Variants in DSTYK observed in about 807,000 individuals in gnomAD.
DSTYK encodes the protein dual serine/threonine and tyrosine protein kinase, also known as RIP-homologous kinase.
DSTYK carries 34 observed loss-of-function variants against 98.7 expected under a neutral mutation model. The observed-to-expected ratio is 0.34, with a 90% CI of 0.26 to 0.46. The LOEUF (loss-of-function observed/expected upper bound fraction) is 0.46. Ranked by LOEUF, DSTYK falls within the 20% of genes least tolerant of loss-of-function variation. The pLI, the probability that DSTYK is intolerant of heterozygous loss-of-function variation, is 1.00. For synonymous variants in DSTYK, 462 were observed against 457.3 expected (o/e 1.01, Z -0.13); for missense variants, 962 against 1,181.7 (o/e 0.81, Z 2.73).
chr1:205,165,244 C>T (rs1041941550), intron 3 of DSTYK, among the ~76,000 whole-genome samples: 1 of 152,002 alleles, frequency 6.6e-6, no homozygotes, highest in Non-Finnish European at 1.5e-5. Context: ...AGGCACCCAC[C>T]ACCACGCCAG....
chr1:205,198,863 C>A (rs1351384375), intron 1 of DSTYK, among the ~76,000 whole-genome samples: 1 of 147,710 alleles, frequency 6.8e-6, no homozygotes, highest in Non-Finnish European at 1.5e-5. Context: ...GATGGAGCCT[C>A]GCTCTGTCGC....
intron 1 of DSTYK, chr1:205,202,591 C>T (rs555347020): frequency 2.8e-6 from 3 of 1,056,664 alleles, no homozygotes; most frequent in Admixed American, 3.4e-5. Context: ...AGCTCATGGT[C>T]GGATTAACCC....
chr1:205,163,733 T>C lies in DSTYK; in HGVS notation c.1547A>G (p.Tyr516Cys). 6.2e-7 allele frequency: 1 copy of C among 1,613,620 alleles called. No homozygotes were observed. Among genetic ancestry groups the C allele is most frequent in the Non-Finnish European group, 8.5e-7 (1 of 1,179,644 alleles). ...TCATTCTTTGTCTACCTGTTTGAGA[T>C]AATTACTGGTGATGTGAACTGAGAC... ...QDVSVHITSN[Y>C]LKQILNAAYH... Residue 516 changes from tyrosine (Y) to cysteine (C), a missense_variant, in exon 4 of 13, where the codon TAT (tyrosine) becomes TGT (cysteine). By Grantham distance (194) the Tyr-to-Cys change is radical. Coordinates refer to ENST00000367162, the MANE Select transcript of DSTYK (RefSeq NM_015375.3).
chr1:205,166,415 G>A (rs1040070250), intron 3 of DSTYK, among the ~76,000 whole-genome samples: 9 of 151,754 alleles, frequency 5.9e-5, no homozygotes, highest in African/African-American at 2.2e-4. Context: ...ACTTTGTGGG[G>A]GCTGAAGCAG....
Position 205,169,620 on chromosome 1 carries a change from T to C in DSTYK, c.867A>G (p.Ile289Met). The C allele has an allele frequency of 6.2e-7, 1 of 1,614,226 alleles. No individual in the cohort carries two copies. The highest frequency in any genetic ancestry group is 8.5e-7 in the Non-Finnish European group (1 of 1,180,044). ...FKVPKLGSEI[I>M]DSSTRRMESE... is the part of the protein sequence containing the mutation. ...TCTCCATTCTCCTGGTTGAGGAGTCTATTATCTCCGAGCCCAGTTTCGGCA... is the reference window on the plus strand; with the variant it reads ...TCTCCATTCTCCTGGTTGAGGAGTCCATTATCTCCGAGCCCAGTTTCGGCA... Residue 289 changes from isoleucine to methionine, a missense_variant, in exon 3 of 13, where the codon ATA becomes ATG. This residue lies in a region of DSTYK where 660 missense variants were observed against 855.0 expected (regional missense o/e 0.77). Coordinates refer to ENST00000367162, the MANE Select transcript of DSTYK (RefSeq NM_015375.3). This position sits in a 1 kb window ranked among gnomAD's most constrained non-coding sequence, Gnocchi z 4.0.
chr1:205,162,080 G>C lies in DSTYK; in HGVS notation c.1774C>G (p.Arg592Gly). 1 of 1,614,072 alleles carries C rather than the reference G, an allele frequency of 6.2e-7. No individual in the cohort carries two copies. The highest frequency in any genetic ancestry group is 8.5e-7 in the Non-Finnish European group (1 of 1,179,964). The stretch of plus-strand genomic sequence containing the variant: ...AAAGCCTCGTGGGAACTATTGAGCC[G>C]AGTCCGGAATTGGCTGCAAATGCTC... ...AKSICSQFRTRLNSSHEAFAA... is the reference protein window; with the variant it reads ...AKSICSQFRTGLNSSHEAFAA... Residue 592 changes from arginine (R) to glycine (G), a missense_variant, in exon 6 of 13, where the codon CGG becomes GGG. By Grantham distance (125) the Arg-to-Gly change is moderately radical (BLOSUM62 -2). Around this residue, in one of 4 missense-constraint regions of DSTYK, gnomAD observed 660 missense variants for 855.0 expected, o/e 0.77. Transcript: ENST00000367162.
chr1:205,172,812 C>G (rs530032739), intron 2 of DSTYK, among the ~76,000 whole-genome samples: 1 of 152,106 alleles, frequency 6.6e-6, no homozygotes, highest in Admixed American at 6.6e-5. Context: ...TCAATCCACC[C>G]TTTATCCAAC....
rs1461439797 is a variant in DSTYK, at chr1:205,163,746, T to A, written c.1534A>T (p.Ile512Phe). The change falls in exon 4 of 13, where the codon ATC becomes TTC. Residue 512 changes from isoleucine (I) to phenylalanine (F), a missense_variant. Physicochemically the swap from Ile to Phe is conservative, Grantham distance 21. Around this residue, in one of 4 missense-constraint regions of DSTYK, gnomAD observed 660 missense variants for 855.0 expected, o/e 0.77. Coordinates refer to ENST00000367162, the MANE Select transcript of DSTYK (RefSeq NM_015375.3). ...LEKSQDVSVH[I>F]TSNYLKQILN... ...ACCTGTTTGAGATAATTACTGGTGATGTGAACTGAGACATCCTGAGACTTC... is the reference window on the plus strand; with the variant it reads ...ACCTGTTTGAGATAATTACTGGTGAAGTGAACTGAGACATCCTGAGACTTC... The A allele has an allele frequency of 1.4e-5, 22 of 1,613,966 alleles. No homozygotes were observed. The Admixed American group carries it at 3.7e-4, about 27-fold the overall frequency.
At chr1:205,188,931 A>T (rs1467534503) in intron 1 of DSTYK, among the ~76,000 whole-genome samples, 1 of 152,164 alleles carries the variant, frequency 6.6e-6, no homozygotes, top group African/African-American at 2.4e-5. Flanking sequence ...ATTAGGATAA[A>T]ATCCAGGCAA....
chr1:205,164,120 C>G (rs1053238975), intron 3 of DSTYK, among the ~76,000 whole-genome samples, 165 bp from the exon 4 acceptor site: 3 of 152,118 alleles, frequency 2.0e-5, no homozygotes, highest in Non-Finnish European at 2.9e-5. Flanking sequence ...TCAGGGGTCA[C>G]GTAACCCTCA....
intron 2 of DSTYK, among the ~76,000 whole-genome samples, chr1:205,184,993 G>T: frequency 6.6e-6 from 1 of 152,164 alleles, no homozygotes; most frequent in East Asian, 1.9e-4. Context: ...TTATGGTCAG[G>T]AGTTTGAGAC....
intron 10 of DSTYK, among the ~76,000 whole-genome samples, chr1:205,155,217 T>C (rs889342255): frequency 3.3e-5 from 5 of 151,280 alleles, no homozygotes; most frequent in African/African-American, 1.2e-4. Context: ...CTCCTGACTT[T>C]AGGTGATCCA....
At chr1:205,179,085 T>G (rs746909329) in intron 2 of DSTYK, among the ~76,000 whole-genome samples, 8 of 151,458 alleles carry the variant, frequency 5.3e-5, no homozygotes, top group Non-Finnish European at 1.2e-4. Context: ...GCCAAGATCT[T>G]GCTACTGCAC....
intron 2 of DSTYK, among the ~76,000 whole-genome samples, chr1:205,185,415 G>T (rs188534485): frequency 2.3e-4 from 35 of 152,100 alleles, no homozygotes; most frequent in South Asian, 1.7e-3. Flanking sequence ...GTCTCACTAT[G>T]TTGCCCAGGC....
At chr1:205,177,191 A>G (rs1333501616) in intron 2 of DSTYK, among the ~76,000 whole-genome samples, 1 of 152,202 alleles carries the variant, frequency 6.6e-6, no homozygotes. Flanking sequence ...TGAACAACAG[A>G]GTGAGACCCT....
intron 7 of DSTYK, 41 bp downstream of exon 7, chr1:205,161,217 T>C (rs749251312): frequency 6.2e-7 from 1 of 1,610,296 alleles, no homozygotes; most frequent in Non-Finnish European, 8.5e-7. Context: ...TCAGGTATCC[T>C]GAACCATCCT....
rs1657356932 is a variant in DSTYK at position 205,150,025 on chromosome 1, G to T, written c.2467+655C>A. ...GGGAGTAGGTTTCTTCATCAATCTG[G>T]TCTCAATTTTATCCATTGAATGGAC... is the stretch of plus-strand genomic sequence containing the variant. On this transcript the variant is annotated intron_variant, in intron 11 of 12. Transcript: ENST00000367162. This position sits in a 1 kb window ranked among gnomAD's most constrained non-coding sequence, Gnocchi z 4.1. Among the ~76,000 whole-genome samples the T allele has an allele frequency of 6.6e-6, 1 of 151,982 alleles. No individual in the cohort carries two copies. The highest frequency in any genetic ancestry group is 2.4e-5 in the African/African-American group (1 of 41,364).
At chr1:205,202,522 C>T in intron 1 of DSTYK, 1 of 861,156 alleles carries the variant, frequency 1.2e-6, no homozygotes, top group Non-Finnish European at 2.0e-6. Flanking sequence ...TGTAGATTCT[C>T]TGGTCGTTGG....
In DSTYK at chr1:205,160,030, G is replaced by A. The variant is rs183199375; in HGVS notation, c.2105+84C>T. On this transcript the variant is annotated intron_variant, in intron 8 of 12. Coordinates refer to ENST00000367162, the MANE Select transcript of DSTYK (RefSeq NM_015375.3). ...AAACTAAATATAGAGAGGCCATGCTGTAGCTCTTGGTACAAAATCTAAACC... is the reference window on the plus strand; with the variant it reads ...AAACTAAATATAGAGAGGCCATGCTATAGCTCTTGGTACAAAATCTAAACC... The A allele has an allele frequency of 3.7e-4, 560 of 1,502,328 alleles. 2 individuals carry two copies. In the Admixed American group the frequency reaches 8.4e-3, roughly 23 times the overall value. The allele number at this position is 1,502,328 out of a possible 1,614,324, so 93.1% of individuals were successfully genotyped here.
Sources: allele counts gnomAD v4.1 joint callset (sites outside exome capture counted in the v4.1 genomes callset), GRCh38; gene constraint gnomAD v4.1.1; regional missense constraint gnomAD v4.1.1; non-coding constraint Gnocchi (gnomAD v3.1); transcripts MANE v1.5; gene names NCBI Gene and HGNC (gene_info 2026-07-23, HGNC 2026-07-21).